Variants in PTGFR observed in about 807,000 individuals in gnomAD.
The protein encoded by PTGFR is prostaglandin F receptor.
A neutral mutation model predicts 26.2 loss-of-function variants in PTGFR; 15 were observed. The observed-to-expected ratio is 0.57, with a 90% CI of 0.38 to 0.88. The LOEUF (loss-of-function observed/expected upper bound fraction) is 0.88. PTGFR is among the 40% of genes least tolerant of loss of function. The pLI, the probability that PTGFR is intolerant of heterozygous loss-of-function variation, is 0.00. For synonymous variants in PTGFR, 165 were observed against 151.1 expected (o/e 1.09, Z -0.68); for missense variants, 369 against 427.2 (o/e 0.86, Z 1.20).
chr1:78,500,176 G>A (rs3766347), intron 2 of PTGFR, among the ~76,000 whole-genome samples: 34,687 of 152,016 alleles, frequency 0.23, 4,182 homozygotes, highest in African/African-American at 0.27. Context: ...TGAAAGCTCT[G>A]TGGTAAATAT....
intron 2 of PTGFR, among the ~76,000 whole-genome samples, chr1:78,528,958 C>T (rs112261704): frequency 5.9e-5 from 9 of 152,020 alleles, no homozygotes; most frequent in South Asian, 2.1e-4. Flanking sequence ...TGAGGCACAG[C>T]GAACCAATGC....
chr1:78,507,177 CTG>C (rs1007036143), intron 2 of PTGFR, among the ~76,000 whole-genome samples: 25 of 152,132 alleles, frequency 1.6e-4, no homozygotes, highest in Non-Finnish European at 8.8e-5. Flanking sequence ...GCTGGAAAGA[CTG>C]TGGGTTTAGT....
chr1:78,499,055 G>T (rs1195107019), intron 2 of PTGFR, among the ~76,000 whole-genome samples: 1 of 152,112 alleles, frequency 6.6e-6, no homozygotes, highest in Non-Finnish European at 1.5e-5. Context: ...TCTCACATTG[G>T]GGAAGGCATG....
At chr1:78,497,316 C>T (rs946278728) in intron 2 of PTGFR, among the ~76,000 whole-genome samples, 5 of 152,040 alleles carry the variant, frequency 3.3e-5, no homozygotes, top group African/African-American at 1.2e-4. Flanking sequence ...CTACAACTGA[C>T]GCTTATTATC....
intron 2 of PTGFR, among the ~76,000 whole-genome samples, chr1:78,519,619 C>T (rs963320093): frequency 2.0e-5 from 3 of 152,040 alleles, no homozygotes; most frequent in Admixed American, 6.6e-5. Context: ...GACTAAAATG[C>T]GATACTAACC....
Position 78,491,022 on chromosome 1 carries a change from G to A in PTGFR, c.-287G>A, listed in dbSNP as rs919958564. 1 of 152,264 alleles carries A rather than the reference G, an allele frequency of 6.6e-6. No homozygotes were observed. Among genetic ancestry groups the A allele is most frequent in the Admixed American group, 6.5e-5 (1 of 15,288 alleles). The allele number at this position is 152,264 out of a possible 1,614,324, so 9.4% of individuals were successfully genotyped here. On this transcript the variant is annotated 5_prime_UTR_variant, in exon 1 of 3. Coordinates refer to ENST00000370757, the MANE Select transcript of PTGFR (RefSeq NM_000959.4). The stretch of plus-strand genomic sequence containing the variant: ...GGCTGCCAGCGCAGCTAGGTGCAGA[G>A]GGATCCCAGGAGCCGCGCGCGCCCC...
rs1650749794 is a variant in PTGFR, at chr1:78,539,746, T to C, written c.*3059T>C. On this transcript the variant is annotated 3_prime_UTR_variant, in exon 3 of 3. Coordinates refer to ENST00000370757, the MANE Select transcript of PTGFR (RefSeq NM_000959.4). ...TAATTTTATAATAAAGTTGGACTAATGTTTTTCAAGAGTGATTATTTTTAG... is the reference window on the plus strand; with the variant it reads ...TAATTTTATAATAAAGTTGGACTAACGTTTTTCAAGAGTGATTATTTTTAG... 6.6e-6 allele frequency: 1 copy of C among 152,588 alleles called. No homozygotes were observed. The allele number at this position is 152,588 out of a possible 1,614,324, so 9.5% of individuals were successfully genotyped here.
intron 2 of PTGFR, among the ~76,000 whole-genome samples, chr1:78,519,293 T>C (rs1355762624): frequency 6.6e-6 from 1 of 152,154 alleles, no homozygotes; most frequent in African/African-American, 2.4e-5. Context: ...AGTTTGAACA[T>C]AGTTGCCACG....
At chr1:78,496,196 T>C (rs1649548408) in intron 2 of PTGFR, among the ~76,000 whole-genome samples, 1 of 152,196 alleles carries the variant, frequency 6.6e-6, no homozygotes, top group African/African-American at 2.4e-5. Context: ...TAAACAACCT[T>C]ATAAAAATAC....
intron 2 of PTGFR, among the ~76,000 whole-genome samples, chr1:78,521,418 C>G (rs1357124854): frequency 2.6e-5 from 4 of 152,018 alleles, no homozygotes; most frequent in Non-Finnish European, 2.9e-5. Flanking sequence ...TAACAGTGTT[C>G]TAAATATTTT....
rs779034986 is a variant in PTGFR at position 78,536,735 on chromosome 1, T to G, written c.*48T>G. ...GTGGGGCTAGAACAAAATTAAGACATGTTTGGCAATATTTCAGTTAGTTAA... is the reference window on the plus strand; with the variant it reads ...GTGGGGCTAGAACAAAATTAAGACAGGTTTGGCAATATTTCAGTTAGTTAA... On this transcript the variant is annotated 3_prime_UTR_variant, in exon 3 of 3. Transcript: ENST00000370757. 3 of 1,544,894 alleles carry G rather than the reference T, an allele frequency of 1.9e-6. No homozygotes were observed. In the African/African-American group the frequency reaches 4.1e-5, roughly 21 times the overall value.
At chr1:78,523,646 T>C (rs1339438227) in intron 2 of PTGFR, among the ~76,000 whole-genome samples, 1 of 152,142 alleles carries the variant, frequency 6.6e-6, no homozygotes, top group Non-Finnish European at 1.5e-5. Context: ...TTGGTAAGGA[T>C]TATTAACACT....
intron 2 of PTGFR, among the ~76,000 whole-genome samples, chr1:78,535,230 G>A (rs192866925): frequency 1.8e-4 from 28 of 152,230 alleles, no homozygotes; most frequent in Admixed American, 1.0e-3. Flanking sequence ...GGAGGGCATG[G>A]TGCATCTGGG....
At chr1:78,522,927 A>G (rs543217416) in intron 2 of PTGFR, among the ~76,000 whole-genome samples, 166 of 152,236 alleles carry the variant, frequency 1.1e-3, no homozygotes, top group Non-Finnish European at 2.0e-3. Context: ...CATAGGAATT[A>G]TGCAATAAGT....
intron 2 of PTGFR, among the ~76,000 whole-genome samples, chr1:78,504,328 C>T (rs1649777135): frequency 6.6e-6 from 1 of 152,076 alleles, no homozygotes; most frequent in Non-Finnish European, 1.5e-5. Context: ...GGGGAAAATA[C>T]ATTATTTTAA....
At chr1:78,523,308 T>G (rs1422260562) in intron 2 of PTGFR, among the ~76,000 whole-genome samples, 1 of 152,178 alleles carries the variant, frequency 6.6e-6, no homozygotes, top group Non-Finnish European at 1.5e-5. Context: ...TACAGAAAGA[T>G]TGAATTAATT....
intron 2 of PTGFR, among the ~76,000 whole-genome samples, chr1:78,515,656 TCTG>T (rs1650075192): frequency 6.6e-6 from 1 of 152,236 alleles, no homozygotes; most frequent in African/African-American, 2.4e-5. Context: ...CTCCAAGAAA[TCTG>T]CTGTGATTAT....
chr1:78,514,731 C>G (rs12058120), intron 2 of PTGFR, among the ~76,000 whole-genome samples: 36,376 of 151,998 alleles, frequency 0.24, 4,650 homozygotes, highest in African/African-American at 0.31. Context: ...GTTGGAGGTG[C>G]GGCCTGGTGA....
chr1:78,525,714 C>T (rs1650355035), intron 2 of PTGFR, among the ~76,000 whole-genome samples: 1 of 151,974 alleles, frequency 6.6e-6, no homozygotes, highest in Non-Finnish European at 1.5e-5. Flanking sequence ...TATGGCCAGT[C>T]CCCATCCTGA....
Sources: allele counts gnomAD v4.1 joint callset (sites outside exome capture counted in the v4.1 genomes callset), GRCh38; gene constraint gnomAD v4.1.1; transcripts MANE v1.5; gene names NCBI Gene and HGNC (gene_info 2026-07-23, HGNC 2026-07-21).